HADH: variants seen among roughly 807,000 people sequenced by gnomAD.
The protein encoded by HADH is hydroxyacyl-CoA dehydrogenase.
HADH carries 24 observed loss-of-function variants against 32.2 expected under a neutral mutation model. The ratio of observed to expected loss-of-function variants is 0.75; its 90% CI spans 0.54 to 1.05. The LOEUF (loss-of-function observed/expected upper bound fraction) is 1.05, where lower values mean the gene tolerates loss of function less well. Ranked by LOEUF, HADH falls within the 50% of genes least tolerant of loss-of-function variation. HADH has a pLI of 0.00. For synonymous variants in HADH, 139 were observed against 152.5 expected, an observed-to-expected ratio of 0.91 and a Z score of 0.65; for missense variants, 350 against 397.1, an observed-to-expected ratio of 0.88 and a Z score of 1.01.
At chr4:108,028,114 TAGG>T (rs1232646674) in intron 6 of HADH, 5 of 328,844 alleles carry the variant, frequency 1.5e-5, no homozygotes, top group Non-Finnish European at 2.3e-5. Context: ...ATCACTAGGC[TAGG>T]AGATCTTGAA....
At position 107,989,941 on chromosome 4, in the gene HADH, C is replaced by G; in HGVS notation, c.9C>G (p.Phe3Leu). The change falls in exon 1 of 8, where the codon TTC becomes TTG. Residue 3 changes from phenylalanine (F) to leucine (L), a missense_variant. Phe to Leu is a conservative substitution (Grantham distance 22). Coordinates refer to ENST00000309522, the MANE Select transcript of HADH (RefSeq NM_005327.7). The part of the protein sequence containing the change: MA[F>L]VTRQFMRSVS... The stretch of plus-strand genomic sequence containing the variant: ...GCCGCCGCTGCCACACCATGGCCTT[C>G]GTCACCAGGCAGTTCATGCGTTCCG... The G allele has an allele frequency of 6.2e-7, 1 of 1,612,764 alleles. No homozygotes were observed.
chr4:107,989,902 G>T lies in HADH; in HGVS notation c.-31G>T, dbSNP rs1192713504. On this transcript the variant is annotated 5_prime_UTR_variant, in exon 1 of 8. Transcript: ENST00000309522. ...CGCCTCGCGCGTCTTCCCTGCCCGG[G>T]TCTCCTCGCTGTCGCCGCCGCTGCC... 2 of 1,607,622 alleles carry T rather than the reference G, an allele frequency of 1.2e-6. No individual in the cohort carries two copies. Among genetic ancestry groups the T allele is most frequent in the African/African-American group, 1.3e-5 (1 of 74,734 alleles).
chr4:108,033,079 C>G, intron 6 of HADH, 97 bp from the exon 7 acceptor site: 2 of 787,604 alleles, frequency 2.5e-6, no homozygotes, highest in South Asian at 2.7e-5. Flanking sequence ...TTTTATTGTG[C>G]AAGCATATAA....
intron 1 of HADH, among the ~76,000 whole-genome samples, chr4:108,000,259 G>A (rs941684253): frequency 3.9e-5 from 6 of 152,146 alleles, no homozygotes; most frequent in African/African-American, 1.2e-4. Flanking sequence ...TTTTAGGCAG[G>A]TATCAAAATG....
At chr4:108,016,951 G>T (rs1365200014) in intron 3 of HADH, among the ~76,000 whole-genome samples, 4 of 152,122 alleles carry the variant, frequency 2.6e-5, no homozygotes, top group Non-Finnish European at 5.9e-5. Context: ...ACTACACTAG[G>T]CTCTTTAACC....
At chr4:107,998,478 C>G (rs1316112892) in intron 1 of HADH, among the ~76,000 whole-genome samples, 1 of 152,088 alleles carries the variant, frequency 6.6e-6, no homozygotes, top group Non-Finnish European at 1.5e-5. Context: ...CAGGGTTTCA[C>G]CATGTTGGTC....
intron 1 of HADH, among the ~76,000 whole-genome samples, chr4:107,991,210 C>T (rs1734792101): frequency 6.6e-6 from 1 of 151,652 alleles, no homozygotes; most frequent in Non-Finnish European, 1.5e-5. Context: ...CCATGGTTTT[C>T]GTATCCTAGC....
chr4:108,007,674 C>T (rs1053765815), intron 1 of HADH, among the ~76,000 whole-genome samples: 5 of 152,156 alleles, frequency 3.3e-5, no homozygotes, highest in Non-Finnish European at 7.4e-5. Flanking sequence ...TCTGTTATGG[C>T]CCATTTAGAC....
chr4:108,008,777 A>G (rs910483695), intron 1 of HADH, among the ~76,000 whole-genome samples: 17 of 152,124 alleles, frequency 1.1e-4, no homozygotes, highest in Admixed American at 1.3e-4. Flanking sequence ...TGCATCATTT[A>G]TGATTATATT....
intron 1 of HADH, among the ~76,000 whole-genome samples, chr4:108,002,033 T>C (rs1327579305): frequency 6.6e-6 from 1 of 151,998 alleles, no homozygotes; most frequent in Non-Finnish European, 1.5e-5. Flanking sequence ...ATAAGGCCTT[T>C]AGGAGGTGAT....
At chr4:108,030,166 C>T (rs563034193) in intron 6 of HADH, 1 of 152,494 alleles carries the variant, frequency 6.6e-6, no homozygotes, top group African/African-American at 2.4e-5. Context: ...CATCTACAAG[C>T]TCTGCCAGAG....
intron 2 of HADH, among the ~76,000 whole-genome samples, chr4:108,013,807 A>C (rs10020733): frequency 0.02 from 2,977 of 152,284 alleles, 100 homozygotes; most frequent in African/African-American, 0.066. Context: ...AAATAACATT[A>C]ATTTCACCTG....
At position 108,015,717 on chromosome 4, in the gene HADH, G is replaced by A. The variant is rs1360779106; in HGVS notation, c.419+1129G>A. 2.0e-5 allele frequency among the ~76,000 whole-genome samples: 3 copies of A among 152,140 alleles called. No homozygotes were observed. The East Asian group carries it at 5.8e-4, about 29-fold the overall frequency. ...AGAATTACCCATGGTAACATGGAGG[G>A]GTCCATCCAGGGACAGGCCTATGTT... is the stretch of plus-strand genomic sequence containing the variant. On this transcript the variant is annotated intron_variant, in intron 3 of 7. Transcript: ENST00000309522.
intron 1 of HADH, among the ~76,000 whole-genome samples, chr4:107,996,130 G>A (rs1220369499): frequency 6.6e-6 from 1 of 152,192 alleles, no homozygotes; most frequent in Non-Finnish European, 1.5e-5. Flanking sequence ...TCATGGGAGA[G>A]CTCTTTCCTC....
At chr4:108,021,157 A>G (rs959918972) in intron 4 of HADH, among the ~76,000 whole-genome samples, 3 of 152,248 alleles carry the variant, frequency 2.0e-5, no homozygotes, top group African/African-American at 7.2e-5. Flanking sequence ...GCAGATTAAG[A>G]GCAAAGAAGT....
At chr4:108,032,755 G>T (rs1159776503) in intron 6 of HADH, 3 of 327,444 alleles carry the variant, frequency 9.2e-6, no homozygotes, top group East Asian at 7.2e-5. Flanking sequence ...AGCTGAGACG[G>T]GAGGATCACT....
chr4:108,023,323 A>G (rs1306567785), intron 4 of HADH, 151 bp from the exon 5 acceptor site: 3 of 635,984 alleles, frequency 4.7e-6, no homozygotes, highest in South Asian at 3.7e-5. Flanking sequence ...TGGGAAATAC[A>G]TTGTTTCTGG....
chr4:108,027,904 C>T (rs1736119222), intron 6 of HADH, 144 bp downstream of exon 6: 1 of 691,340 alleles, frequency 1.4e-6, no homozygotes, highest in Non-Finnish European at 2.6e-6. Context: ...TCAGCTGCAC[C>T]CTGAGCCCTG....
chr4:108,010,586 T>C (rs1036673473), intron 2 of HADH, among the ~76,000 whole-genome samples: 3 of 152,234 alleles, frequency 2.0e-5, no homozygotes, highest in Non-Finnish European at 2.9e-5. Flanking sequence ...CAGAGAAAAG[T>C]ACACATAAGG....
Sources: allele counts gnomAD v4.1 joint callset (sites outside exome capture counted in the v4.1 genomes callset), GRCh38; gene constraint gnomAD v4.1.1; transcripts MANE v1.5; gene names NCBI Gene and HGNC (gene_info 2026-07-23, HGNC 2026-07-21).